Variants in RGS7 observed in about 807,000 individuals in gnomAD.
The protein encoded by RGS7 is regulator of G protein signaling 7, also known as regulator of G-protein signaling 7.
Under a neutral mutation model 81.1 loss-of-function variants are expected in RGS7, and 27 were observed. That is an observed-to-expected ratio of 0.33 (90% CI 0.25 to 0.46). The LOEUF (loss-of-function observed/expected upper bound fraction) is 0.46. Ranked by LOEUF, RGS7 falls within the 20% of genes least tolerant of loss-of-function variation. RGS7 has a pLI of 1.00. For missense variants in RGS7, 396 were observed against 607.4 expected (o/e 0.65, Z 3.66); for synonymous variants, 208 against 207.7 (o/e 1.00, Z -0.01).
At chr1:240,812,135 C>T (rs2275744) in intron 13 of RGS7, 92 bp from the exon 14 acceptor site, 765,118 of 1,398,848 alleles carry the variant, frequency 0.55, 214,895 homozygotes, top group Non-Finnish European at 0.59. Flanking sequence ...ATGTGTGCCT[C>T]GAAGTTCCCA....
chr1:241,111,642 T>G (rs1267860616), intron 2 of RGS7, among the ~76,000 whole-genome samples: 1 of 151,338 alleles, frequency 6.6e-6, no homozygotes, highest in East Asian at 1.9e-4. Context: ...AAAAGACAAG[T>G]GTAAAAACAA....
chr1:241,231,587 G>A (rs1016386297), intron 2 of RGS7, among the ~76,000 whole-genome samples: 1 of 152,134 alleles, frequency 6.6e-6, no homozygotes, highest in Non-Finnish European at 1.5e-5. Flanking sequence ...TCGAACTCCT[G>A]ACCTCAAGCG....
rs558911725 is a variant in RGS7 at position 241,322,677 on chromosome 1, A to G, written c.78+33022T>C. On this transcript the variant is annotated intron_variant, in intron 2 of 18. Coordinates refer to ENST00000440928, the MANE Select transcript of RGS7 (RefSeq NM_001364886.1). Reference sequence around the variant, plus strand: ...CCCCTCAGAGATTCTTTAAGTTCCAATGTCAGAAAATTTGAGGGTCCTATG... The same window carrying G: ...CCCCTCAGAGATTCTTTAAGTTCCAGTGTCAGAAAATTTGAGGGTCCTATG... Among the ~76,000 whole-genome samples, 60 of 152,310 alleles carry G rather than the reference A, an allele frequency of 3.9e-4. 1 individual carries two copies. The Middle Eastern group carries it at 0.017, about 43-fold the overall frequency.
intron 3 of RGS7, among the ~76,000 whole-genome samples, chr1:241,001,381 A>G (rs1454461288): frequency 6.6e-6 from 1 of 152,186 alleles, no homozygotes. Context: ...GGTATAAAAA[A>G]GGCAACAATT....
chr1:241,221,714 CAA>C (rs765212551), intron 2 of RGS7, among the ~76,000 whole-genome samples: 6 of 152,166 alleles, frequency 3.9e-5, no homozygotes, highest in Non-Finnish European at 8.8e-5. Context: ...CTGTATATAA[CAA>C]AAGACTGACC....
intron 2 of RGS7, among the ~76,000 whole-genome samples, chr1:241,170,019 G>A (rs1461331699): frequency 6.6e-6 from 1 of 151,956 alleles, no homozygotes; most frequent in Non-Finnish European, 1.5e-5. Flanking sequence ...ATGACTCTGG[G>A]ATAGCTACCC....
Position 241,156,551 on chromosome 1 carries a change from T to C in RGS7, c.79-57789A>G, listed in dbSNP as rs372345196. Among the ~76,000 whole-genome samples, 216 of 116,984 alleles carry C rather than the reference T, an allele frequency of 1.8e-3. 2 individuals are homozygous for C. Among genetic ancestry groups the C allele is most frequent in the African/African-American group, 6.7e-3 (204 of 30,494 alleles). 76.7% of individuals were successfully genotyped at this position (116,984 alleles called of 152,430 possible). A position where few individuals can be genotyped will look rare whatever the true frequency, so the allele number is the denominator to read the frequency against. ...AGATAGATGCTAGATAGATGATAGA[T>C]GGAAAGGGGAAGGAAAGGGAAAGGG... On this transcript the variant is annotated intron_variant, in intron 2 of 18. Transcript: ENST00000440928.
intron 3 of RGS7, among the ~76,000 whole-genome samples, chr1:241,097,505 C>T (rs568412329): frequency 2.6e-4 from 39 of 152,270 alleles, no homozygotes; most frequent in African/African-American, 9.1e-4. Context: ...CTAGGCTTGA[C>T]AGCTTCCTGA....
Position 240,924,872 on chromosome 1 carries a change from T to C in RGS7, c.385+5845A>G, listed in dbSNP as rs141328592. On this transcript the variant is annotated intron_variant, in intron 6 of 18. Coordinates refer to ENST00000440928, the MANE Select transcript of RGS7 (RefSeq NM_001364886.1). ...TAATGCAATATTTGCAAAAATAACA[T>C]TAATCAAAATAATATTTTAGTGCAG... Among the ~76,000 whole-genome samples the C allele has an allele frequency of 3.9e-3, 599 of 152,176 alleles. 2 individuals carry two copies. Among genetic ancestry groups the C allele is most frequent in the African/African-American group, 0.014 (575 of 41,540 alleles).
chr1:241,324,330 A>G (rs1037024278), intron 2 of RGS7, among the ~76,000 whole-genome samples: 5 of 149,794 alleles, frequency 3.3e-5, no homozygotes, highest in African/African-American at 1.3e-4. Flanking sequence ...AAATATATAA[A>G]AGCAAAAAAA....
At chr1:241,172,230 T>TA (rs11415165) in intron 2 of RGS7, among the ~76,000 whole-genome samples, 24,664 of 152,072 alleles carry the variant, frequency 0.16, 2,864 homozygotes, top group African/African-American at 0.32. Flanking sequence ...ATTCTTTTTT[T>TA]AAAAAAGGCA....
intron 2 of RGS7, among the ~76,000 whole-genome samples, chr1:241,115,952 G>A (rs186719477): frequency 5.9e-5 from 9 of 152,122 alleles, no homozygotes; most frequent in Admixed American, 2.6e-4. Flanking sequence ...GTGAGTTGTC[G>A]CAATATCTCA....
At chr1:240,989,997 C>A (rs1291215341) in intron 3 of RGS7, among the ~76,000 whole-genome samples, 1 of 152,146 alleles carries the variant, frequency 6.6e-6, no homozygotes, top group African/African-American at 2.4e-5. Flanking sequence ...GTCATGAAGG[C>A]TCACAGCTCC....
rs574881115 is a variant in RGS7 at position 240,871,330 on chromosome 1, C to T, written c.386-1211G>A. ...ATCACCTTTGCACTACACTTACCAC[C>T]CCAAGTTTTGGATAACGACGTCCAG... On this transcript the variant is annotated intron_variant, in intron 6 of 18. Coordinates refer to ENST00000440928, the MANE Select transcript of RGS7 (RefSeq NM_001364886.1). Among the ~76,000 whole-genome samples, 96 of 152,256 alleles carry T rather than the reference C, an allele frequency of 6.3e-4. 1 individual carries two copies. The highest frequency in any genetic ancestry group is 2.2e-3 in the African/African-American group (92 of 41,556).
At chr1:241,207,963 T>A (rs1173251810) in intron 2 of RGS7, among the ~76,000 whole-genome samples, 2 of 152,148 alleles carry the variant, frequency 1.3e-5, no homozygotes, top group Non-Finnish European at 2.9e-5. Context: ...TGGAGTGCAA[T>A]GGTACGATCT....
intron 3 of RGS7, among the ~76,000 whole-genome samples, chr1:241,045,228 C>A (rs532709737): frequency 6.6e-6 from 1 of 152,236 alleles, no homozygotes; most frequent in African/African-American, 2.4e-5. Flanking sequence ...AGTGTGCTTT[C>A]CTCCAAAATG....
rs1352009897 is a variant in RGS7 at position 240,986,732 on chromosome 1, G to A, written c.176-3603C>T. Among the ~76,000 whole-genome samples the A allele has an allele frequency of 3.0e-4, 6 of 20,074 alleles. 3 individuals carry two copies. Among genetic ancestry groups the A allele is most frequent in the Non-Finnish European group, 5.4e-4 (6 of 11,018 alleles). 13.2% of individuals were successfully genotyped at this position (20,074 alleles called of 152,430 possible). A position where few individuals can be genotyped will look rare whatever the true frequency, so the allele number is the denominator to read the frequency against. On this transcript the variant is annotated intron_variant, in intron 3 of 18. Coordinates refer to ENST00000440928, the MANE Select transcript of RGS7 (RefSeq NM_001364886.1). ...GGAGTAGCTGGGACTACAGGCGCCC[G>A]CCACCTCGCCCGGCTAATTTTTTGT...
At chr1:241,049,590 T>C (rs1407017945) in intron 3 of RGS7, among the ~76,000 whole-genome samples, 2 of 152,330 alleles carry the variant, frequency 1.3e-5, no homozygotes, top group Middle Eastern at 3.4e-3. Context: ...TTTTGTAATA[T>C]ATCCCAATGT....
Position 240,870,112 on chromosome 1 carries a change from G to A in RGS7, c.393C>T (p.Tyr131=). ...WEPENTDYAV[Y]LCKRTMQNKA... The stretch of plus-strand genomic sequence containing the variant: ...TGTTTTGCATTGTTCTCTTGCAGAG[G>A]TAAACGGCTGAAAAAAAAATCAATC... The change falls in exon 7 of 19, where the codon TAC becomes TAT. Residue 131 remains tyrosine, a synonymous_variant. Coordinates refer to ENST00000440928, the MANE Select transcript of RGS7 (RefSeq NM_001364886.1). The A allele has an allele frequency of 6.2e-7, 1 of 1,613,756 alleles. No individual in the cohort carries two copies. Among genetic ancestry groups the A allele is most frequent in the Admixed American group, 1.7e-5 (1 of 59,980 alleles).
Sources: allele counts gnomAD v4.1 joint callset (sites outside exome capture counted in the v4.1 genomes callset), GRCh38; gene constraint gnomAD v4.1.1; transcripts MANE v1.5; gene names NCBI Gene and HGNC (gene_info 2026-07-23, HGNC 2026-07-21).